Variants in SULF1 observed in about 807,000 individuals in gnomAD.
SULF1 encodes the protein extracellular sulfatase Sulf-1.
In SULF1, 46 loss-of-function variants were observed where a neutral mutation model predicts 110.5. The observed-to-expected ratio is 0.42, with a 90% CI of 0.33 to 0.53. SULF1 has a LOEUF of 0.53. Among genes scored for constraint, SULF1 ranks in the 20% least tolerant of loss-of-function variants. The probability of loss-of-function intolerance (pLI) is 0.12; values close to 1 mark genes in which losing one functional copy is unlikely to be tolerated. For missense variants in SULF1, 941 were observed against 1,094.2 expected (o/e 0.86, Z 1.98); for synonymous variants, 371 against 387.1 (o/e 0.96, Z 0.49).
chr8:69,523,167 GA>G (rs1340046089), intron 3 of SULF1, among the ~76,000 whole-genome samples: 1 of 152,180 alleles, frequency 6.6e-6, no homozygotes, highest in Non-Finnish European at 1.5e-5. Flanking sequence ...CCCATGGGTA[GA>G]AGAATCAGCT....
chr8:69,518,645 T>G (rs1490197263), intron 3 of SULF1, among the ~76,000 whole-genome samples: 1 of 152,194 alleles, frequency 6.6e-6, no homozygotes, highest in Non-Finnish European at 1.5e-5. Context: ...AGTCCTACTC[T>G]TAAGGCTTGA....
intron 3 of SULF1, among the ~76,000 whole-genome samples, chr8:69,507,727 G>T (rs926484650): frequency 4.6e-5 from 7 of 151,960 alleles, no homozygotes; most frequent in African/African-American, 1.4e-4. Flanking sequence ...TAGAGAATTT[G>T]CAAAAAAAAT....
In SULF1 at chr8:69,601,716, C is replaced by T; in HGVS notation, c.948C>T (p.Asp316=). The change falls in exon 10 of 23, where the codon GAC becomes GAT. Residue 316 remains aspartate (D), a synonymous_variant. Transcript: ENST00000402687. ...ATACTTACATCATTTACACCGCCGACCATGGTTACCATATTGGGCAGTTTG... is the reference window on the plus strand; with the variant it reads ...ATACTTACATCATTTACACCGCCGATCATGGTTACCATATTGGGCAGTTTG... ...LENTYIIYTA[D]HGYHIGQFGL... 1 of 1,613,584 alleles carries T rather than the reference C, an allele frequency of 6.2e-7. No individual in the cohort carries two copies. The highest frequency in any genetic ancestry group is 8.5e-7 in the Non-Finnish European group (1 of 1,179,834).
intron 1 of SULF1, chr8:69,473,270 G>A (rs541994254): frequency 3.3e-5 from 5 of 152,160 alleles, no homozygotes; most frequent in South Asian, 2.1e-4. Flanking sequence ...CTATGTCTAC[G>A]TTTTCTAAAA....
Position 69,603,335 on chromosome 8 carries a change from C to T in SULF1, c.1190+15C>T, listed in dbSNP as rs761196521. Reference sequence around the variant, plus strand: ...CCAGGTAACAGGTGTGTCATTGTTCCTCCTCTCAGCCAGCCCCAAATACAC... The same window carrying T: ...CCAGGTAACAGGTGTGTCATTGTTCTTCCTCTCAGCCAGCCCCAAATACAC... On this transcript the variant is annotated intron_variant, in intron 11 of 22. Transcript: ENST00000402687. 104 of 1,613,764 alleles carry T rather than the reference C, an allele frequency of 6.4e-5. No individual in the cohort carries two copies. The highest frequency in any genetic ancestry group is 1.8e-4 in the Admixed American group (11 of 59,994).
intron 22 of SULF1, among the ~76,000 whole-genome samples, chr8:69,648,670 G>T (rs977689006): frequency 2.0e-5 from 3 of 152,214 alleles, no homozygotes; most frequent in East Asian, 1.9e-4. Flanking sequence ...GTGCCAAAGG[G>T]GAAGAGAAGA....
chr8:69,542,689 A>G (rs1813943164), intron 3 of SULF1, among the ~76,000 whole-genome samples: 2 of 152,340 alleles, frequency 1.3e-5, no homozygotes, highest in South Asian at 4.1e-4. Context: ...TAAGTTGAAT[A>G]CGATGACTTC....
intron 22 of SULF1, among the ~76,000 whole-genome samples, chr8:69,651,876 A>G (rs924711589): frequency 6.6e-6 from 1 of 152,180 alleles, no homozygotes; most frequent in Admixed American, 6.5e-5. Context: ...CTGCTGTAAT[A>G]AATTACCACT....
rs1812430729 is a variant in SULF1, at chr8:69,523,181, A to G, written c.-134+21213A>G. 2.0e-5 allele frequency among the ~76,000 whole-genome samples: 3 copies of G among 152,204 alleles called. No individual in the cohort carries two copies. The South Asian group carries it at 6.2e-4, about 32-fold the overall frequency. On this transcript the variant is annotated intron_variant, in intron 3 of 22. Coordinates refer to ENST00000402687, the MANE Select transcript of SULF1 (RefSeq NM_001128205.2). ...GCCCATGGGTAGAAGAATCAGCTTC[A>G]GACAGAGAGAATATGCAGAACCTAT...
At chr8:69,657,670 G>A (rs947873366) in intron 22 of SULF1, among the ~76,000 whole-genome samples, 4 of 152,186 alleles carry the variant, frequency 2.6e-5, no homozygotes, top group Non-Finnish European at 4.4e-5. Context: ...TAGCTAGACC[G>A]AGGTTGTGGG....
chr8:69,516,537 A>G (rs1811932737), intron 3 of SULF1, among the ~76,000 whole-genome samples: 2 of 152,226 alleles, frequency 1.3e-5, no homozygotes, highest in African/African-American at 4.8e-5. Context: ...GGGGTCAAAG[A>G]GTCAAACCAT....
intron 1 of SULF1, among the ~76,000 whole-genome samples, chr8:69,476,664 T>C (rs551791798): frequency 1.4e-4 from 21 of 152,162 alleles, no homozygotes; most frequent in Non-Finnish European, 2.5e-4. Context: ...CCCAACTGGG[T>C]TTTCTGAACC....
chr8:69,553,492 CAG>C (rs2150697771), intron 3 of SULF1, among the ~76,000 whole-genome samples: 1 of 152,320 alleles, frequency 6.6e-6, no homozygotes, highest in East Asian at 1.9e-4. Context: ...TGCAGGCAGC[CAG>C]ACTTAGTAGA....
At chr8:69,574,640 G>T (rs1381452276) in intron 5 of SULF1, among the ~76,000 whole-genome samples, 2 of 152,112 alleles carry the variant, frequency 1.3e-5, no homozygotes, top group Non-Finnish European at 2.9e-5. Flanking sequence ...CATTTCTTTT[G>T]TTTATGCTAC....
At chr8:69,548,631 T>C (rs1302614248) in intron 3 of SULF1, among the ~76,000 whole-genome samples, 3 of 149,814 alleles carry the variant, frequency 2.0e-5, no homozygotes, top group African/African-American at 7.4e-5. Context: ...TTTTTTTTTT[T>C]TGTATTTTTA....
Position 69,564,079 on chromosome 8 carries a change from A to G in SULF1, c.104A>G (p.Gln35Arg), listed in dbSNP as rs980149382. ...TCCCCGAGGTTCAGAGGACGGATAC[A>G]GCAGGAACGAAAAAACATCCGACCC... The part of the protein sequence containing the change: ...VRSPRFRGRI[Q>R]QERKNIRPNI... Residue 35 changes from glutamine (Q) to arginine (R), a missense_variant, in exon 5 of 23, where the codon CAG becomes CGG. By Grantham distance (43) the Gln-to-Arg change is conservative. Transcript: ENST00000402687. The G allele has an allele frequency of 3.7e-6, 6 of 1,614,072 alleles. No individual in the cohort carries two copies. Among genetic ancestry groups the G allele is most frequent in the Non-Finnish European group, 5.1e-6 (6 of 1,180,028 alleles).
At position 69,500,767 on chromosome 8, in the gene SULF1, G is replaced by A. The variant is rs147363066; in HGVS notation, c.-228-1107G>A. Among the ~76,000 whole-genome samples, 1,232 of 152,252 alleles carry A rather than the reference G, an allele frequency of 8.1e-3. 22 individuals carry two copies. The highest frequency in any genetic ancestry group is 0.028 in the African/African-American group (1,180 of 41,530). On this transcript the variant is annotated intron_variant, in intron 2 of 22. Transcript: ENST00000402687. ...TCTAGAGGCCTAATGGGTGAGGTGG[G>A]CCACATTGCAGAGGGTGGCATAAAA...
At chr8:69,533,598 G>A (rs898709370) in intron 3 of SULF1, among the ~76,000 whole-genome samples, 1 of 152,114 alleles carries the variant, frequency 6.6e-6, no homozygotes, top group African/African-American at 2.4e-5. Context: ...CCGTTTTATG[G>A]CTGCATAGTA....
At chr8:69,642,379 T>G (rs2130693635) in intron 22 of SULF1, 1 of 987,230 alleles carries the variant, frequency 1.0e-6, no homozygotes. Flanking sequence ...GGTGGACTTT[T>G]GGGTATATGT....
Sources: allele counts gnomAD v4.1 joint callset (sites outside exome capture counted in the v4.1 genomes callset), GRCh38; gene constraint gnomAD v4.1.1; transcripts MANE v1.5; gene names NCBI Gene and HGNC (gene_info 2026-07-23, HGNC 2026-07-21).